PPM1H: variants seen among roughly 807,000 people sequenced by gnomAD.
PPM1H encodes the protein protein phosphatase 1H.
PPM1H carries 27 observed loss-of-function variants against 54.9 expected under a neutral mutation model. The ratio of observed to expected loss-of-function variants is 0.49; its 90% CI spans 0.36 to 0.68. The LOEUF (loss-of-function observed/expected upper bound fraction) is 0.68, where lower values mean the gene tolerates loss of function less well. Ranked by LOEUF, PPM1H falls within the 30% of genes least tolerant of loss-of-function variation. The pLI is 0.00. For synonymous variants in PPM1H, 305 were observed against 270.8 expected (o/e 1.13, Z -1.24); for missense variants, 596 against 667.8 (o/e 0.89, Z 1.19).
At chr12:62,805,965 A>C (rs2076803166) in intron 2 of PPM1H, among the ~76,000 whole-genome samples, 1 of 152,216 alleles carries the variant, frequency 6.6e-6, no homozygotes, top group African/African-American at 2.4e-5. Context: ...TAAATACATG[A>C]TTTCTGTCAA....
intron 6 of PPM1H, among the ~76,000 whole-genome samples, chr12:62,703,975 CGTGTGT>C (rs4026211): frequency 0.6 from 87,156 of 146,476 alleles, 28,764 homozygotes; most frequent in Non-Finnish European, 0.74. Flanking sequence ...AGAGAGAAAG[CGTGTGT>C]GTGTGTGTGT....
At chr12:62,864,079 T>C in intron 1 of PPM1H, among the ~76,000 whole-genome samples, 1 of 152,236 alleles carries the variant, frequency 6.6e-6, no homozygotes, top group African/African-American at 2.4e-5. Flanking sequence ...GACAGTTTGG[T>C]TGCAGCAGCC....
rs34769800 is a variant in PPM1H at position 62,658,056 on chromosome 12, CAAAAAAAA to C, written c.1397+9114_1397+9121del. Among the ~76,000 whole-genome samples the C allele has an allele frequency of 5.6e-5, 6 of 107,300 alleles. No homozygotes were observed. In the East Asian group the frequency reaches 1.5e-3, roughly 27 times the overall value. The allele number at this position is 107,300 out of a possible 152,430, so 70.4% of individuals were successfully genotyped here. ...ACAGAGGGTCATTAAATCCAGGTTA[CAAAAAAAA>C]AAAAAAAAAAAATGAGGTGGGGCCA... On this transcript the variant is annotated intron_variant, in intron 9 of 9. Coordinates refer to ENST00000228705, the MANE Select transcript of PPM1H (RefSeq NM_020700.2).
chr12:62,898,388 A>G (rs1482137237), intron 1 of PPM1H, among the ~76,000 whole-genome samples: 1 of 152,210 alleles, frequency 6.6e-6, no homozygotes, highest in Non-Finnish European at 1.5e-5. Flanking sequence ...CAAGTGGCCA[A>G]AAATATTCAG....
At chr12:62,866,828 T>C (rs1869792271) in intron 1 of PPM1H, among the ~76,000 whole-genome samples, 1 of 151,944 alleles carries the variant, frequency 6.6e-6, no homozygotes, top group Non-Finnish European at 1.5e-5. Flanking sequence ...TACAGCACTG[T>C]TCCCCTTTCT....
chr12:62,829,704 G>A (rs998535984), intron 2 of PPM1H, among the ~76,000 whole-genome samples: 1 of 152,118 alleles, frequency 6.6e-6, no homozygotes, highest in Non-Finnish European at 1.5e-5. Flanking sequence ...CACAGGGGAG[G>A]GCCACAGCTC....
At chr12:62,697,209 T>C (rs2076119675) in intron 6 of PPM1H, among the ~76,000 whole-genome samples, 1 of 151,708 alleles carries the variant, frequency 6.6e-6, no homozygotes, top group Non-Finnish European at 1.5e-5. Flanking sequence ...TCACTGCAAC[T>C]TCTGCCTCCC....
intron 8 of PPM1H, among the ~76,000 whole-genome samples, chr12:62,681,279 G>C (rs144569351): frequency 3.3e-5 from 5 of 152,072 alleles, no homozygotes; most frequent in Non-Finnish European, 7.3e-5. Flanking sequence ...TCTGGAAAGC[G>C]AAGTCTTGTT....
At chr12:62,906,414 C>T (rs1412838629) in intron 1 of PPM1H, among the ~76,000 whole-genome samples, 2 of 152,188 alleles carry the variant, frequency 1.3e-5, no homozygotes, top group Non-Finnish European at 2.9e-5. Context: ...AAAGAATCAA[C>T]ATTGCAGTTT....
At chr12:62,837,193 T>C (rs1297295127) in intron 1 of PPM1H, among the ~76,000 whole-genome samples, 1 of 152,248 alleles carries the variant, frequency 6.6e-6, no homozygotes, top group Non-Finnish European at 1.5e-5. Context: ...TGCTTTTACA[T>C]GCAACTGTTA....
At chr12:62,772,658 G>A (rs755726929) in intron 4 of PPM1H, among the ~76,000 whole-genome samples, 76 of 152,106 alleles carry the variant, frequency 5.0e-4, no homozygotes, top group African/African-American at 1.4e-3. Context: ...CTCTAGATCT[G>A]TGATGTGCTA....
chr12:62,933,388 A>T (rs1417147288), intron 1 of PPM1H, among the ~76,000 whole-genome samples: 2 of 152,068 alleles, frequency 1.3e-5, no homozygotes, highest in Non-Finnish European at 2.9e-5. Context: ...GGTCAGCATC[A>T]AGGCGCCCAG....
chr12:62,820,626 AG>A (rs1414338518), intron 2 of PPM1H, among the ~76,000 whole-genome samples: 1 of 152,220 alleles, frequency 6.6e-6, no homozygotes, highest in African/African-American at 2.4e-5. Context: ...CTAAGCAAAT[AG>A]GGTCTGGAGT....
chr12:62,891,606 G>A (rs964206151), intron 1 of PPM1H, among the ~76,000 whole-genome samples: 2 of 152,134 alleles, frequency 1.3e-5, no homozygotes, highest in Admixed American at 6.5e-5. Flanking sequence ...TTTTCTAGCT[G>A]TCCTATACTC....
At chr12:62,824,675 T>C (rs1565800272) in intron 2 of PPM1H, among the ~76,000 whole-genome samples, 1 of 152,198 alleles carries the variant, frequency 6.6e-6, no homozygotes, top group Non-Finnish European at 1.5e-5. Context: ...TAATAAATGG[T>C]GCTGCGAAAA....
chr12:62,734,086 T>C (rs1169442697), intron 5 of PPM1H, among the ~76,000 whole-genome samples: 1 of 151,750 alleles, frequency 6.6e-6, no homozygotes, highest in Non-Finnish European at 1.5e-5. Context: ...TTAGAGCCCT[T>C]ATAAAAGAGG....
At chr12:62,780,976 G>A (rs753625313) in intron 4 of PPM1H, among the ~76,000 whole-genome samples, 12 of 152,230 alleles carry the variant, frequency 7.9e-5, no homozygotes, top group Non-Finnish European at 1.6e-4. Flanking sequence ...AGACTTCCCA[G>A]CTTAGCCTTT....
intron 5 of PPM1H, among the ~76,000 whole-genome samples, chr12:62,732,358 C>T (rs1212991150): frequency 6.6e-6 from 1 of 152,218 alleles, no homozygotes; most frequent in Non-Finnish European, 1.5e-5. Context: ...AATCTGCTTC[C>T]AGTTCCATAA....
At chr12:62,760,893 A>C (rs1436894178) in intron 4 of PPM1H, among the ~76,000 whole-genome samples, 1 of 152,308 alleles carries the variant, frequency 6.6e-6, no homozygotes, top group African/African-American at 2.4e-5. Flanking sequence ...TTCTAACCAC[A>C]CACCAGTCAT....
Sources: allele counts gnomAD v4.1 joint callset (sites outside exome capture counted in the v4.1 genomes callset), GRCh38; gene constraint gnomAD v4.1.1; transcripts MANE v1.5; gene names NCBI Gene and HGNC (gene_info 2026-07-23, HGNC 2026-07-21).